EPB41: variants seen among roughly 807,000 people sequenced by gnomAD.
EPB41 encodes erythrocyte membrane protein band 4.1, also known as protein 4.1.
Under a neutral mutation model 108.0 loss-of-function variants are expected in EPB41, and 65 were observed. The observed-to-expected ratio is 0.60, with a 90% CI of 0.49 to 0.74. The LOEUF is 0.74. Ranked by LOEUF, EPB41 falls within the 30% of genes least tolerant of loss-of-function variation. The pLI is 0.00. For synonymous variants in EPB41, 336 were observed against 358.9 expected, an observed-to-expected ratio of 0.94 and a Z score of 0.72; for missense variants, 875 against 1,037.0, an observed-to-expected ratio of 0.84 and a Z score of 2.15.
chr1:29,002,450 CAAA>C (rs773724543), intron 4 of EPB41, among the ~76,000 whole-genome samples: 2 of 115,198 alleles, frequency 1.7e-5, no homozygotes, highest in Non-Finnish European at 3.7e-5. Context: ...GACCCTACCT[CAAA>C]AAAAAAAAAA....
intron 16 of EPB41, among the ~76,000 whole-genome samples, chr1:29,091,369 A>G (rs1661109192): frequency 1.3e-5 from 2 of 152,214 alleles, no homozygotes; most frequent in African/African-American, 2.4e-5. Context: ...GCATGTAGCA[A>G]TTTCAGAAAG....
chr1:29,013,064 T>C (rs896434186), intron 5 of EPB41, among the ~76,000 whole-genome samples: 1 of 152,094 alleles, frequency 6.6e-6, no homozygotes, highest in Non-Finnish European at 1.5e-5. Context: ...TCTTCCTGGG[T>C]ATTTAAAAAA....
At chr1:29,060,931 A>G (rs2150941867) in intron 15 of EPB41, among the ~76,000 whole-genome samples, 1 of 152,308 alleles carries the variant, frequency 6.6e-6, no homozygotes, top group African/African-American at 2.4e-5. Context: ...GAAAAATGAC[A>G]GAAGAACTGT....
chr1:28,967,520 A>G (rs553198399), intron 1 of EPB41, among the ~76,000 whole-genome samples: 11 of 152,260 alleles, frequency 7.2e-5, no homozygotes, highest in East Asian at 1.9e-4. Flanking sequence ...TGTTAACACT[A>G]TTCTGTTTTT....
At chr1:29,071,727 C>G (rs1268319228) in intron 16 of EPB41, 3 of 151,974 alleles carry the variant, frequency 2.0e-5, no homozygotes, top group African/African-American at 7.2e-5. Flanking sequence ...ACATGCCTAA[C>G]CTGTTATTTT....
chr1:28,932,505 TA>T (rs983736446), intron 1 of EPB41, among the ~76,000 whole-genome samples: 153 of 143,688 alleles, frequency 1.1e-3, no homozygotes, highest in African/African-American at 1.9e-3. Flanking sequence ...CTACCTCCTT[TA>T]AAAAAAAAAA....
chr1:29,095,643 A>G (rs918959974), intron 16 of EPB41, among the ~76,000 whole-genome samples: 8 of 152,076 alleles, frequency 5.3e-5, no homozygotes, highest in East Asian at 3.9e-4. Context: ...TTGGTGGAGC[A>G]TACCTGTAGT....
intron 18 of EPB41, among the ~76,000 whole-genome samples, chr1:29,111,704 T>C (rs1333698159): frequency 6.6e-6 from 1 of 151,344 alleles, no homozygotes; most frequent in Non-Finnish European, 1.5e-5. Flanking sequence ...CAAGGCTGGA[T>C]GTGGTGGCTC....
rs66808636 is a variant in EPB41 at position 28,921,938 on chromosome 1, T to TTATATATATATATATATATATATATA, written c.-8+7194_-8+7195insTATATATATATATATATATATATATA. ...TAAATAGTATTTTATTTATGAAATT[T>TTATATATATATATATATATATATATA]TATATATATATATATATATATATAC... On this transcript the variant is annotated intron_variant, in intron 1 of 20. Transcript: ENST00000343067. Among the ~76,000 whole-genome samples the TTATATATATATATATATATATATATA allele has an allele frequency of 1.0e-3, 106 of 102,526 alleles. 1 individual carries two copies. Among genetic ancestry groups the TTATATATATATATATATATATATATA allele is most frequent in the African/African-American group, 3.1e-3 (67 of 21,962 alleles). 67.3% of individuals were successfully genotyped at this position (102,526 alleles called of 152,430 possible). A position where few individuals can be genotyped will look rare whatever the true frequency, so the allele number is the denominator to read the frequency against.
chr1:28,945,726 A>G (rs2148866297), intron 1 of EPB41, among the ~76,000 whole-genome samples: 1 of 152,364 alleles, frequency 6.6e-6, no homozygotes, highest in South Asian at 2.1e-4. Flanking sequence ...TATATTAGCC[A>G]CTGAATATTT....
chr1:28,937,588 T>C (rs772722390), intron 1 of EPB41, among the ~76,000 whole-genome samples: 1 of 152,094 alleles, frequency 6.6e-6, no homozygotes, highest in Non-Finnish European at 1.5e-5. Flanking sequence ...AGAGATGGAG[T>C]TTCACCATGT....
At chr1:28,924,194 A>T (rs1267527630) in intron 1 of EPB41, among the ~76,000 whole-genome samples, 3 of 152,236 alleles carry the variant, frequency 2.0e-5, no homozygotes, top group South Asian at 4.1e-4. Flanking sequence ...AGTTGAGCCT[A>T]GAGGTGAATG....
chr1:28,988,570 G>T (rs1331393506), intron 2 of EPB41, among the ~76,000 whole-genome samples: 1 of 151,994 alleles, frequency 6.6e-6, no homozygotes, highest in African/African-American at 2.4e-5. Flanking sequence ...GTGTTGGCCA[G>T]GCTGGTCACA....
At position 29,112,487 on chromosome 1, in the gene EPB41, C is replaced by T. The variant is rs538733487; in HGVS notation, c.2496+39C>T. On this transcript the variant is annotated intron_variant, in intron 19 of 20. Transcript: ENST00000343067. ...AGAGATCTGGGCCTGGGAGGGGTCC[C>T]TGGGCAGGAAGACCGATGAATACAG... The T allele has an allele frequency of 3.7e-5, 58 of 1,566,356 alleles. 1 individual carries two copies. The South Asian group carries it at 6.1e-4, about 16-fold the overall frequency.
intron 16 of EPB41, among the ~76,000 whole-genome samples, chr1:29,092,287 G>A (rs1661532977): frequency 6.6e-6 from 1 of 151,810 alleles, no homozygotes; most frequent in South Asian, 2.1e-4. Flanking sequence ...AGTAGAGATG[G>A]GGTTTCTCCA....
intron 1 of EPB41, among the ~76,000 whole-genome samples, chr1:28,977,966 T>TAATCACTTGTATACAA (rs2095648489): frequency 2.0e-5 from 3 of 151,528 alleles, no homozygotes; most frequent in African/African-American, 4.9e-5. Context: ...CTTTTTTTTT[T>TAATCACTTGTATACAA]TAAGAACATA....
At chr1:28,930,973 T>C (rs1479858592) in intron 1 of EPB41, among the ~76,000 whole-genome samples, 1 of 152,170 alleles carries the variant, frequency 6.6e-6, no homozygotes, top group East Asian at 1.9e-4. Flanking sequence ...CAGACTAAAT[T>C]ATTCCATCAG....
intron 20 of EPB41, among the ~76,000 whole-genome samples, chr1:29,116,284 G>A (rs1164739343): frequency 6.6e-6 from 1 of 151,946 alleles, no homozygotes; most frequent in African/African-American, 2.4e-5. Flanking sequence ...AAGAAGGTGG[G>A]ACTACAGGCA....
upstream of EPB41, among the ~76,000 whole-genome samples, chr1:28,913,809 G>T (rs551140205): frequency 1.3e-5 from 2 of 152,284 alleles, no homozygotes; most frequent in Non-Finnish European, 2.9e-5. Flanking sequence ...GACACTTCTG[G>T]AAGGAAATAA....
Sources: gnomAD v4.1 joint callset for allele counts (sites outside exome capture counted in the v4.1 genomes callset) on GRCh38, gnomAD v4.1.1 for gene constraint, MANE v1.5 for transcripts, NCBI Gene and HGNC (gene_info 2026-07-23, HGNC 2026-07-21) for gene names.